The following ARHGAP42 variants were observed in gnomAD, a reference collection of about 807,000 sequenced individuals.
The protein encoded by ARHGAP42 is rho GTPase-activating protein 42.
In ARHGAP42, 63 loss-of-function variants were observed where a neutral mutation model predicts 125.0. The observed-to-expected ratio is 0.50, with a 90% CI of 0.41 to 0.62. ARHGAP42 has a LOEUF of 0.62. Among genes scored for constraint, ARHGAP42 ranks in the 20% least tolerant of loss-of-function variants. ARHGAP42 has a pLI of 0.00. For missense variants in ARHGAP42, 766 were observed against 1,024.2 expected, an observed-to-expected ratio of 0.75 and a Z score of 3.44; for synonymous variants, 339 against 351.0, an observed-to-expected ratio of 0.97 and a Z score of 0.38.
chr11:100,849,830 A>G (rs970725157), intron 3 of ARHGAP42, among the ~76,000 whole-genome samples: 2 of 152,130 alleles, frequency 1.3e-5, no homozygotes, highest in Admixed American at 6.5e-5. Context: ...GTGTTTATTT[A>G]TATCGAGATA....
rs1863261130 is a variant in ARHGAP42, at chr11:100,779,951, G to C, written c.250+9513G>C. On this transcript the variant is annotated intron_variant, in intron 2 of 23. Coordinates refer to ENST00000298815, the MANE Select transcript of ARHGAP42 (RefSeq NM_152432.4). Reference sequence around the variant, plus strand: ...TGAGGCGGGAGAATTGCTTGAACCTGGGAGTCAGAGGTTGCAGTGATCCAA... The same window carrying C: ...TGAGGCGGGAGAATTGCTTGAACCTCGGAGTCAGAGGTTGCAGTGATCCAA... Among the ~76,000 whole-genome samples the C allele has an allele frequency of 2.0e-5, 3 of 151,654 alleles. No individual in the cohort carries two copies. In the South Asian group the frequency reaches 6.3e-4, roughly 32 times the overall value.
At chr11:100,907,555 G>T (rs912136630) in intron 4 of ARHGAP42, among the ~76,000 whole-genome samples, 2 of 152,180 alleles carry the variant, frequency 1.3e-5, no homozygotes, top group Non-Finnish European at 2.9e-5. Flanking sequence ...ATTAGGAGTT[G>T]TTGGGTGGAA....
At chr11:100,960,770 TTTCC>T (rs1257686330) in intron 13 of ARHGAP42, 141 bp from the exon 14 acceptor site, 1 of 466,106 alleles carries the variant, frequency 2.1e-6, no homozygotes, top group Non-Finnish European at 3.8e-6. Flanking sequence ...CTGATGGGTA[TTTCC>T]AGGATAGCTT....
At chr11:100,708,463 T>C (rs1861512369) in intron 1 of ARHGAP42, among the ~76,000 whole-genome samples, 1 of 152,120 alleles carries the variant, frequency 6.6e-6, no homozygotes, top group African/African-American at 2.4e-5. Flanking sequence ...CAGTGAGCCA[T>C]GATGAAGCCT....
intron 3 of ARHGAP42, among the ~76,000 whole-genome samples, chr11:100,843,004 A>G (rs1216702273): frequency 1.3e-5 from 2 of 152,154 alleles, no homozygotes; most frequent in Non-Finnish European, 2.9e-5. Flanking sequence ...AAAAAGAAAT[A>G]CAAAAGATAA....
chr11:100,958,427 A>G (rs545260614), intron 12 of ARHGAP42, among the ~76,000 whole-genome samples: 1 of 152,168 alleles, frequency 6.6e-6, no homozygotes, highest in Non-Finnish European at 1.5e-5. Flanking sequence ...ACAAAGAAAT[A>G]AATGAGCCAC....
intron 22 of ARHGAP42, among the ~76,000 whole-genome samples, chr11:100,980,857 C>T (rs1157072998): frequency 6.6e-6 from 1 of 152,064 alleles, no homozygotes; most frequent in Non-Finnish European, 1.5e-5. Context: ...AGGCATGAGC[C>T]ACTGCACCCA....
intron 1 of ARHGAP42, among the ~76,000 whole-genome samples, chr11:100,759,487 G>A (rs1298169466): frequency 6.6e-6 from 1 of 152,064 alleles, no homozygotes; most frequent in African/African-American, 2.4e-5. Context: ...CCTGTGTTGG[G>A]TGCAGTAAAG....
intron 1 of ARHGAP42, among the ~76,000 whole-genome samples, chr11:100,695,021 A>G (rs1270527760): frequency 6.6e-6 from 1 of 152,226 alleles, no homozygotes; most frequent in African/African-American, 2.4e-5. Flanking sequence ...ACAGAGTGAG[A>G]CTGTCTCAAA....
At chr11:100,855,514 G>A (rs1385673900) in intron 3 of ARHGAP42, among the ~76,000 whole-genome samples, 2 of 151,940 alleles carry the variant, frequency 1.3e-5, no homozygotes, top group Non-Finnish European at 2.9e-5. Context: ...CTATCAGATA[G>A]CACTTGAAAA....
In ARHGAP42 at chr11:100,949,926, C is replaced by CT; in HGVS notation, c.1133dup (p.Pro379AlafsTer14). On this transcript the variant is annotated frameshift_variant, in exon 12 of 24. Transcript: ENST00000298815. LOFTEE classifies it high-confidence loss of function. ...ATCCTTTGTTTTTTAGATTTATACT[C>CT]TGCCTGCCATTATAAGCAAGAAAGA... is the stretch of plus-strand genomic sequence containing the variant. 6.8e-7 allele frequency: 1 copy of CT among 1,476,880 alleles called. No individual in the cohort carries two copies. The highest frequency in any genetic ancestry group is 9.2e-7 in the Non-Finnish European group (1 of 1,088,822). The allele number at this position is 1,476,880 out of a possible 1,614,324, so 91.5% of individuals were successfully genotyped here. A position where few individuals can be genotyped will look rare whatever the true frequency, so the allele number is the denominator to read the frequency against.
intron 12 of ARHGAP42, among the ~76,000 whole-genome samples, chr11:100,951,883 C>G (rs509166): frequency 0.88 from 134,201 of 152,140 alleles, 59,283 homozygotes; most frequent in East Asian, 1. Context: ...GTACTCTGAG[C>G]TCCTTGTGAC....
intron 8 of ARHGAP42, among the ~76,000 whole-genome samples, chr11:100,938,310 T>G (rs1867789583): frequency 6.6e-6 from 1 of 152,132 alleles, no homozygotes. Flanking sequence ...TCTTCTACAG[T>G]GCTTCCCGCA....
At chr11:100,803,143 G>A (rs1394566218) in intron 3 of ARHGAP42, among the ~76,000 whole-genome samples, 6 of 152,170 alleles carry the variant, frequency 3.9e-5, no homozygotes, top group Admixed American at 1.3e-4. Flanking sequence ...GGGAGGCCAA[G>A]GCAGGAGGAT....
intron 1 of ARHGAP42, among the ~76,000 whole-genome samples, chr11:100,699,503 T>TATATATATATAC (rs1861358892): frequency 5.9e-5 from 2 of 33,632 alleles, no homozygotes; most frequent in African/African-American, 2.6e-4. Flanking sequence ...TATATATATA[T>TATATATATATAC]ATATTTTTTT....
At chr11:100,920,493 G>T (rs186798998) in intron 5 of ARHGAP42, among the ~76,000 whole-genome samples, 5 of 151,742 alleles carry the variant, frequency 3.3e-5, no homozygotes, top group Non-Finnish European at 4.4e-5. Flanking sequence ...TCCCCAAATT[G>T]GTGTCAACGG....
chr11:100,854,254 T>G (rs1266680464), intron 3 of ARHGAP42, among the ~76,000 whole-genome samples: 1 of 152,148 alleles, frequency 6.6e-6, no homozygotes, highest in African/African-American at 2.4e-5. Context: ...AAATTAATTT[T>G]CCCAATATAT....
intron 3 of ARHGAP42, among the ~76,000 whole-genome samples, chr11:100,852,854 C>T (rs1865237617): frequency 6.6e-6 from 1 of 152,134 alleles, no homozygotes; most frequent in African/African-American, 2.4e-5. Context: ...TCAGCAGACC[C>T]TGGTGTTTCC....
intron 11 of ARHGAP42, among the ~76,000 whole-genome samples, chr11:100,949,701 C>T (rs1319813945): frequency 3.3e-5 from 5 of 152,082 alleles, no homozygotes; most frequent in African/African-American, 9.7e-5. Context: ...TCCAGGGCAG[C>T]ACAGCCACGG....
Sources: gnomAD v4.1 joint callset for allele counts (sites outside exome capture counted in the v4.1 genomes callset) on GRCh38, gnomAD v4.1.1 for gene constraint, MANE v1.5 for transcripts, NCBI Gene and HGNC (gene_info 2026-07-23, HGNC 2026-07-21) for gene names.